The following SNTG1 variants were observed in gnomAD, a reference collection of about 807,000 sequenced individuals.
SNTG1 encodes the protein syntrophin gamma 1, also known as gamma-1-syntrophin.
In SNTG1, 39 loss-of-function variants were observed where a neutral mutation model predicts 74.7. The ratio of observed to expected loss-of-function variants is 0.52; its 90% CI spans 0.40 to 0.68. The LOEUF is 0.68. Among genes scored for constraint, SNTG1 ranks in the 30% least tolerant of loss-of-function variants. The pLI, the probability that SNTG1 is intolerant of heterozygous loss-of-function variation, is 0.00. For missense variants in SNTG1, 685 were observed against 609.5 expected (o/e 1.12, Z -1.30); for synonymous variants, 254 against 217.1 (o/e 1.17, Z -1.49).
chr8:50,341,548 G>A (rs576657095), intron 2 of SNTG1, among the ~76,000 whole-genome samples: 1 of 151,890 alleles, frequency 6.6e-6, no homozygotes, highest in South Asian at 2.1e-4. Context: ...TGAAATTAGG[G>A]GAAGATTGAC....
chr8:50,602,751 C>T (rs911058810), intron 13 of SNTG1, among the ~76,000 whole-genome samples: 1 of 152,116 alleles, frequency 6.6e-6, no homozygotes, highest in African/African-American at 2.4e-5. Context: ...CTTCCTCATG[C>T]TTAATGCATA....
chr8:50,024,809 T>C (rs567954510), intron 1 of SNTG1, among the ~76,000 whole-genome samples: 2 of 152,242 alleles, frequency 1.3e-5, no homozygotes, highest in East Asian at 1.9e-4. Flanking sequence ...ATGAAAAAGA[T>C]GGCTACTAAG....
At chr8:50,462,496 C>T (rs1411311522) in intron 8 of SNTG1, among the ~76,000 whole-genome samples, 4 of 134,166 alleles carry the variant, frequency 3.0e-5, no homozygotes, top group African/African-American at 7.8e-5. Context: ...AAATTTGCCA[C>T]ATCTATTGGC....
intron 8 of SNTG1, among the ~76,000 whole-genome samples, chr8:50,476,308 G>A (rs2093696630): frequency 6.6e-6 from 1 of 152,088 alleles, no homozygotes; most frequent in Non-Finnish European, 1.5e-5. Context: ...GGTATATATA[G>A]GGTTTTGTAC....
chr8:50,164,725 A>T (rs982332470), intron 1 of SNTG1, among the ~76,000 whole-genome samples: 2 of 152,196 alleles, frequency 1.3e-5, no homozygotes, highest in African/African-American at 4.8e-5. Context: ...AAATAGAAGT[A>T]ACTCTTCAAA....
intron 2 of SNTG1, among the ~76,000 whole-genome samples, chr8:50,326,219 T>C (rs940383946): frequency 1.3e-5 from 2 of 152,070 alleles, no homozygotes; most frequent in African/African-American, 4.8e-5. Flanking sequence ...TCAAATGAGT[T>C]GGAAAATATT....
intron 1 of SNTG1, among the ~76,000 whole-genome samples, chr8:50,048,810 A>G (rs1343227590): frequency 3.9e-5 from 6 of 152,130 alleles, no homozygotes; most frequent in Non-Finnish European, 8.8e-5. Context: ...AAATTAGTTT[A>G]GCATTGATGT....
At chr8:50,266,167 C>T (rs2087455414) in intron 2 of SNTG1, among the ~76,000 whole-genome samples, 2 of 151,974 alleles carry the variant, frequency 1.3e-5, no homozygotes, top group Admixed American at 6.6e-5. Context: ...GGAGGACTCA[C>T]ATTTCTAGAT....
At chr8:50,222,640 C>A (rs1298257107) in intron 2 of SNTG1, among the ~76,000 whole-genome samples, 1 of 152,140 alleles carries the variant, frequency 6.6e-6, no homozygotes, top group East Asian at 1.9e-4. Context: ...GACTTCAAGG[C>A]ATTGTGGGGA....
intron 2 of SNTG1, among the ~76,000 whole-genome samples, chr8:50,375,312 C>T (rs1452156247): frequency 2.0e-5 from 3 of 151,958 alleles, no homozygotes; most frequent in African/African-American, 4.8e-5. Context: ...GGCTGGTGTG[C>T]TGGGGCAATG....
chr8:50,323,107 G>A lies in SNTG1; in HGVS notation c.-27-71105G>A, dbSNP rs201667976. 5.4e-3 allele frequency among the ~76,000 whole-genome samples: 354 copies of A among 65,976 alleles called. 3 individuals carry two copies. Among genetic ancestry groups the A allele is most frequent in the East Asian group, 0.053 (34 of 640 alleles). 43.3% of individuals were successfully genotyped at this position (65,976 alleles called of 152,430 possible). Reference sequence around the variant, plus strand: ...TGGGCAACAGAGCAAGACTTGTCTGGAAAAAAAAAAAAAAAAGATACTCTG... The same window carrying A: ...TGGGCAACAGAGCAAGACTTGTCTGAAAAAAAAAAAAAAAAAGATACTCTG... On this transcript the variant is annotated intron_variant, in intron 2 of 18. Transcript: ENST00000642720.
intron 17 of SNTG1, among the ~76,000 whole-genome samples, chr8:50,717,770 G>C (rs766046534): frequency 8.5e-5 from 13 of 152,194 alleles, no homozygotes; most frequent in Non-Finnish European, 1.8e-4. Context: ...GAAAATGTGT[G>C]TGAAGTGTTT....
At chr8:50,336,415 A>G (rs923292911) in intron 2 of SNTG1, among the ~76,000 whole-genome samples, 2 of 152,184 alleles carry the variant, frequency 1.3e-5, no homozygotes, top group African/African-American at 4.8e-5. Context: ...ATTGAGAGGT[A>G]TTATTCAATT....
intron 4 of SNTG1, among the ~76,000 whole-genome samples, chr8:50,411,067 CT>C (rs2092941958): frequency 6.6e-6 from 1 of 152,110 alleles, no homozygotes; most frequent in Non-Finnish European, 1.5e-5. Context: ...TGTTTATAAA[CT>C]TTTCAATCAG....
chr8:50,373,728 C>A (rs1196104921), intron 2 of SNTG1, among the ~76,000 whole-genome samples: 1 of 152,142 alleles, frequency 6.6e-6, no homozygotes, highest in Non-Finnish European at 1.5e-5. Context: ...ATACTTGCAG[C>A]TAAATATTAT....
At chr8:50,376,746 T>TAGAGAGAGAG in intron 2 of SNTG1, among the ~76,000 whole-genome samples, 1 of 111,060 alleles carries the variant, frequency 9.0e-6, no homozygotes, top group Non-Finnish European at 2.0e-5. Flanking sequence ...TATATATATA[T>TAGAGAGAGAG]ATATATATAT....
intron 1 of SNTG1, among the ~76,000 whole-genome samples, chr8:49,976,693 G>T (rs938993521): frequency 7.2e-5 from 11 of 152,164 alleles, no homozygotes; most frequent in African/African-American, 2.7e-4. Context: ...ACAGCAGAGC[G>T]GAGGCGCCCA....
intron 8 of SNTG1, among the ~76,000 whole-genome samples, chr8:50,480,910 A>G (rs1587763563): frequency 1.3e-5 from 2 of 152,212 alleles, no homozygotes; most frequent in Non-Finnish European, 2.9e-5. Flanking sequence ...AAGACTCAAA[A>G]CTATAATTAC....
chr8:49,986,612 C>A (rs1813176262), intron 1 of SNTG1, among the ~76,000 whole-genome samples: 1 of 151,880 alleles, frequency 6.6e-6, no homozygotes, highest in Admixed American at 6.6e-5. Context: ...GTGGTTCATG[C>A]CTGTAATCCC....
Sources: gnomAD v4.1 joint callset for allele counts (sites outside exome capture counted in the v4.1 genomes callset) on GRCh38, gnomAD v4.1.1 for gene constraint, MANE v1.5 for transcripts, NCBI Gene and HGNC (gene_info 2026-07-23, HGNC 2026-07-21) for gene names.